Variants in HDAC9 observed in about 807,000 individuals in gnomAD.
The protein encoded by HDAC9 is histone deacetylase 9, also known as MEF-2 interacting transcription repressor (MITR) protein.
In HDAC9, 41 loss-of-function variants were observed where a neutral mutation model predicts 139.4. That is an observed-to-expected ratio of 0.29 (90% CI 0.23 to 0.38). The LOEUF is 0.38. Among genes scored for constraint, HDAC9 ranks in the 10% least tolerant of loss-of-function variants. The probability of loss-of-function intolerance (pLI) is 1.00; values close to 1 mark genes in which losing one functional copy is unlikely to be tolerated. For synonymous variants in HDAC9, 517 were observed against 476.2 expected (o/e 1.09, Z -1.12); for missense variants, 1,147 against 1,297.0 (o/e 0.88, Z 1.78).
chr7:18,644,028 G>A (rs1379156013), intron 8 of HDAC9, among the ~76,000 whole-genome samples: 1 of 152,086 alleles, frequency 6.6e-6, no homozygotes, highest in African/African-American at 2.4e-5. Context: ...AAAGCACAGT[G>A]ATGCCAAAAC....
intron 1 of HDAC9, among the ~76,000 whole-genome samples, chr7:18,093,648 G>C (rs983789928): frequency 6.6e-6 from 1 of 152,078 alleles, no homozygotes; most frequent in African/African-American, 2.4e-5. Flanking sequence ...CCTATATGTA[G>C]ATTTCTACTA....
chr7:18,204,089 A>T (rs1791324891), intron 2 of HDAC9, among the ~76,000 whole-genome samples: 1 of 152,200 alleles, frequency 6.6e-6, no homozygotes, highest in South Asian at 2.1e-4. Flanking sequence ...GGTCAGAGAA[A>T]CAAAGAGGGA....
intron 2 of HDAC9, among the ~76,000 whole-genome samples, chr7:18,237,561 C>G (rs1332417018): frequency 1.3e-5 from 2 of 151,956 alleles, no homozygotes; most frequent in Non-Finnish European, 2.9e-5. Flanking sequence ...ACATGTTAGT[C>G]TAGGATTGAG....
At chr7:18,800,834 A>AAAT (rs372030656) in intron 17 of HDAC9, among the ~76,000 whole-genome samples, 2,102 of 151,534 alleles carry the variant, frequency 0.014, 42 homozygotes, top group African/African-American at 0.042. Flanking sequence ...CCTTGTTTCA[A>AAAT]AATAATAATA....
chr7:18,235,334 G>C (rs1045836644), intron 2 of HDAC9, among the ~76,000 whole-genome samples: 1 of 152,002 alleles, frequency 6.6e-6, no homozygotes, highest in African/African-American at 2.4e-5. Context: ...CTTATAGGCA[G>C]TGGTATTCTG....
intron 1 of HDAC9, among the ~76,000 whole-genome samples, chr7:18,363,456 A>T (rs1783938644): frequency 6.6e-6 from 1 of 152,178 alleles, no homozygotes; most frequent in Non-Finnish European, 1.5e-5. Context: ...AGAAAAAAAT[A>T]AATTTTGGAG....
chr7:18,445,050 T>A (rs998551092), intron 1 of HDAC9, among the ~76,000 whole-genome samples: 4 of 152,150 alleles, frequency 2.6e-5, no homozygotes, highest in Admixed American at 2.0e-4. Context: ...GCCTGAAAAA[T>A]TCCTGCATAG....
chr7:18,273,056 GTTTTTTTT>G lies in HDAC9; in HGVS notation c.25+110727_25+110734del, dbSNP rs746089054. Among the ~76,000 whole-genome samples the G allele has an allele frequency of 9.6e-4, 81 of 84,774 alleles. 2 individuals carry two copies. The highest frequency in any genetic ancestry group is 1.3e-3 in the Non-Finnish European group (60 of 46,426). 55.6% of individuals were successfully genotyped at this position (84,774 alleles called of 152,430 possible). On this transcript the variant is annotated intron_variant, in intron 2 of 12. Coordinates refer to the HDAC9 transcript ENST00000417496. ...CCTCTTCCCCTTCTTCCCCTTCTTC[GTTTTTTTT>G]TTTTTTTTTTTTTTTTTTTGAACAA...
At chr7:18,111,455 T>G (rs1446989503) in intron 1 of HDAC9, among the ~76,000 whole-genome samples, 3 of 152,210 alleles carry the variant, frequency 2.0e-5, no homozygotes, top group Non-Finnish European at 4.4e-5. Flanking sequence ...AGAGTATCAC[T>G]GCCCCTCGGT....
intron 2 of HDAC9, among the ~76,000 whole-genome samples, chr7:18,273,110 C>T (rs1456395916): frequency 3.2e-5 from 4 of 125,020 alleles, no homozygotes; most frequent in South Asian, 2.6e-4. Flanking sequence ...CTGTTGCCCT[C>T]GCTGGAGTGC....
At chr7:18,671,374 T>G (rs1023697734) in intron 12 of HDAC9, among the ~76,000 whole-genome samples, 6 of 151,948 alleles carry the variant, frequency 3.9e-5, no homozygotes, top group African/African-American at 1.4e-4. Context: ...GTCATCTACC[T>G]TTTTCAAGCC....
At chr7:18,224,711 G>A (rs551414454) in intron 2 of HDAC9, among the ~76,000 whole-genome samples, 12 of 152,190 alleles carry the variant, frequency 7.9e-5, no homozygotes, top group East Asian at 7.7e-4. Flanking sequence ...TTTACAAAGC[G>A]TGACCAAAGA....
At chr7:18,533,999 C>T (rs955291503) in intron 2 of HDAC9, among the ~76,000 whole-genome samples, 3 of 152,048 alleles carry the variant, frequency 2.0e-5, no homozygotes, top group Non-Finnish European at 4.4e-5. Flanking sequence ...TTCCTCTATT[C>T]GATAGAGGCT....
chr7:18,248,685 C>T (rs1466502930), intron 2 of HDAC9, among the ~76,000 whole-genome samples: 2 of 152,100 alleles, frequency 1.3e-5, no homozygotes, highest in African/African-American at 4.8e-5. Flanking sequence ...AATAAATGAT[C>T]TTAGAGGATT....
At chr7:18,739,451 A>G (rs1390969448) in intron 13 of HDAC9, among the ~76,000 whole-genome samples, 3 of 152,146 alleles carry the variant, frequency 2.0e-5, no homozygotes, top group Admixed American at 2.0e-4. Flanking sequence ...GTTTTGGTGT[A>G]GATGTCCTTT....
At chr7:18,798,240 G>A (rs1792979024) in intron 17 of HDAC9, among the ~76,000 whole-genome samples, 2 of 152,128 alleles carry the variant, frequency 1.3e-5, no homozygotes, top group South Asian at 4.2e-4. Context: ...TTACCACAAT[G>A]ACATCAGCAA....
intron 7 of HDAC9, 85 bp downstream of exon 7, chr7:18,629,566 TA>T (rs1328602668): frequency 7.2e-6 from 9 of 1,252,028 alleles, no homozygotes; most frequent in Non-Finnish European, 9.7e-6. Context: ...TGCTGCATAT[TA>T]AAAGTTATTT....
intron 2 of HDAC9, among the ~76,000 whole-genome samples, chr7:18,238,144 A>G (rs569118021): frequency 6.6e-6 from 1 of 152,346 alleles, no homozygotes; most frequent in South Asian, 2.1e-4. Flanking sequence ...AGTTCTCAAG[A>G]GCTAGTTTAC....
At chr7:18,642,372 T>C (rs1785939221) in intron 8 of HDAC9, among the ~76,000 whole-genome samples, 1 of 152,100 alleles carries the variant, frequency 6.6e-6, no homozygotes. Flanking sequence ...TACTTTTCTG[T>C]GGTTCCCCTG....
Sources: gnomAD v4.1 joint callset for allele counts (sites outside exome capture counted in the v4.1 genomes callset) on GRCh38, gnomAD v4.1.1 for gene constraint, MANE v1.5 for transcripts, NCBI Gene and HGNC (gene_info 2026-07-23, HGNC 2026-07-21) for gene names.